Variants in MGST3 observed in about 807,000 individuals in gnomAD.
The protein encoded by MGST3 is microsomal glutathione S-transferase 3, also known as glutathione S-transferase 3, mitochondrial.
MGST3 carries 13 observed loss-of-function variants against 15.8 expected under a neutral mutation model. The ratio of observed to expected loss-of-function variants is 0.82; its 90% CI spans 0.54 to 1.31. The LOEUF is 1.31. Ranked by LOEUF, MGST3 falls within the 50% of genes most tolerant of loss-of-function variation. The pLI, the probability that MGST3 is intolerant of heterozygous loss-of-function variation, is 0.00. For missense variants in MGST3, 155 were observed against 192.4 expected (o/e 0.81, Z 1.15); for synonymous variants, 49 against 68.1 (o/e 0.72, Z 1.38).
chr1:165,646,152 C>T (rs1175558320), intron 1 of MGST3: 1 of 152,166 alleles, frequency 6.6e-6, no homozygotes, highest in Non-Finnish European at 1.5e-5. Flanking sequence ...TCAGTTCTTC[C>T]ACCCTGTCCC....
intron 1 of MGST3, among the ~76,000 whole-genome samples, chr1:165,644,564 G>A (rs1648343978): frequency 6.6e-6 from 1 of 152,150 alleles, no homozygotes; most frequent in Admixed American, 6.5e-5. Flanking sequence ...GTACACTGCT[G>A]CAGACCTTAC....
At chr1:165,646,949 C>T (rs564876687) in intron 1 of MGST3, 1 of 152,192 alleles carries the variant, frequency 6.6e-6, no homozygotes, top group Non-Finnish European at 1.5e-5. Context: ...GTCCATGGCT[C>T]GTGCGGGGGA....
intron 1 of MGST3, among the ~76,000 whole-genome samples, chr1:165,631,766 C>T (rs187049111): frequency 2.0e-5 from 3 of 152,308 alleles, no homozygotes; most frequent in Non-Finnish European, 1.5e-5. Flanking sequence ...GTGAGCAATG[C>T]ACCCGCTGCG....
intron 1 of MGST3, among the ~76,000 whole-genome samples, chr1:165,641,311 A>C (rs1423714093): frequency 6.6e-6 from 1 of 151,924 alleles, no homozygotes; most frequent in Admixed American, 6.6e-5. Flanking sequence ...CTGCATCCCC[A>C]CCCCTCAGCA....
intron 1 of MGST3, among the ~76,000 whole-genome samples, chr1:165,644,053 T>TAAAAA (rs61624530): frequency 7.3e-6 from 1 of 136,642 alleles, no homozygotes. Context: ...GACCCTGTGT[T>TAAAAA]AAAAAAAAAA....
chr1:165,640,112 T>C (rs2101716739), intron 1 of MGST3, among the ~76,000 whole-genome samples: 1 of 152,302 alleles, frequency 6.6e-6, no homozygotes, highest in African/African-American at 2.4e-5. Context: ...CTCATTTGAC[T>C]ATGGGAAAAT....
chr1:165,649,140 G>T (rs1156306837), intron 1 of MGST3: 1 of 152,740 alleles, frequency 6.5e-6, no homozygotes, highest in Non-Finnish European at 1.5e-5. Flanking sequence ...AGGCTCAGGA[G>T]CCATGCTCTG....
intron 1 of MGST3, among the ~76,000 whole-genome samples, chr1:165,644,053 TAAA>T (rs61624530): frequency 5.9e-5 from 8 of 136,602 alleles, no homozygotes; most frequent in Admixed American, 7.4e-5. Context: ...GACCCTGTGT[TAAA>T]AAAAAAAAAA....
chr1:165,636,538 C>T (rs770797690), intron 1 of MGST3, among the ~76,000 whole-genome samples: 85 of 152,010 alleles, frequency 5.6e-4, no homozygotes, highest in Middle Eastern at 3.2e-3. Flanking sequence ...GAGTTCGAGA[C>T]CAGTCTGATC....
At chr1:165,652,289 T>C (rs971404321) in intron 4 of MGST3, among the ~76,000 whole-genome samples, 1 of 152,222 alleles carries the variant, frequency 6.6e-6, no homozygotes, top group Non-Finnish European at 1.5e-5. Flanking sequence ...AGTAGAAGGA[T>C]TAGAATTTGA....
intron 4 of MGST3, chr1:165,653,588 A>G (rs1177168358): frequency 6.5e-6 from 1 of 153,118 alleles, no homozygotes; most frequent in Non-Finnish European, 1.5e-5. Flanking sequence ...GCCTTCTCAC[A>G]TGCTGTCTTC....
At chr1:165,632,300 G>T in intron 1 of MGST3, 1 of 1,611,594 alleles carries the variant, frequency 6.2e-7, no homozygotes, top group Non-Finnish European at 8.5e-7. Context: ...CCTAGGTGTG[G>T]TCCTGCGGAA....
At chr1:165,652,110 T>A in intron 4 of MGST3, 75 bp downstream of exon 4, 2 of 1,059,796 alleles carry the variant, frequency 1.9e-6, no homozygotes, top group Non-Finnish European at 3.0e-6. Context: ...AAGAAGGAAA[T>A]AAACATTTAA....
chr1:165,655,189 G>A (rs561826475), intron 5 of MGST3, among the ~76,000 whole-genome samples, 179 bp from the exon 6 acceptor site: 30 of 152,272 alleles, frequency 2.0e-4, no homozygotes, highest in East Asian at 9.6e-4. Context: ...ACTGTGGCAC[G>A]TTACTTGGCA....
chr1:165,636,368 T>C (rs1648113720), intron 1 of MGST3, among the ~76,000 whole-genome samples: 1 of 152,138 alleles, frequency 6.6e-6, no homozygotes, highest in South Asian at 2.1e-4. Context: ...CTAATAGATA[T>C]ATAATATTGG....
At chr1:165,637,030 T>A (rs1164309836) in intron 1 of MGST3, 1 of 152,234 alleles carries the variant, frequency 6.6e-6, no homozygotes. Context: ...ACTAGCCCTT[T>A]ATGTGACTAT....
At chr1:165,637,065 T>C (rs758756120) in intron 1 of MGST3, 1 of 152,156 alleles carries the variant, frequency 6.6e-6, no homozygotes, top group Non-Finnish European at 1.5e-5. Flanking sequence ...CTCATTAAAA[T>C]ATTGATTTTT....
intron 1 of MGST3, chr1:165,645,538 A>T (rs1181986816): frequency 6.6e-6 from 1 of 152,232 alleles, no homozygotes; most frequent in Non-Finnish European, 1.5e-5. Context: ...TAGTAACTAC[A>T]TAAACCAGTA....
At chr1:165,634,437 A>G (rs942202011) in intron 1 of MGST3, among the ~76,000 whole-genome samples, 2 of 152,184 alleles carry the variant, frequency 1.3e-5, no homozygotes, top group Admixed American at 1.3e-4. Flanking sequence ...TTTGCCCCTT[A>G]CTAAATACTG....
Sources: gnomAD v4.1 joint callset for allele counts (sites outside exome capture counted in the v4.1 genomes callset) on GRCh38, gnomAD v4.1.1 for gene constraint, MANE v1.5 for transcripts, NCBI Gene and HGNC (gene_info 2026-07-23, HGNC 2026-07-21) for gene names.